The following PDE8A variants were observed in gnomAD, a reference collection of about 807,000 sequenced individuals.
PDE8A encodes high affinity cAMP-specific and IBMX-insensitive 3',5'-cyclic phosphodiesterase 8A.
Under a neutral mutation model 105.0 loss-of-function variants are expected in PDE8A, and 59 were observed. The ratio of observed to expected loss-of-function variants is 0.56; its 90% CI spans 0.46 to 0.70. The LOEUF (loss-of-function observed/expected upper bound fraction) is 0.70, where lower values mean the gene tolerates loss of function less well. Among genes scored for constraint, PDE8A ranks in the 30% least tolerant of loss-of-function variants. The pLI, the probability that PDE8A is intolerant of heterozygous loss-of-function variation, is 0.00. For synonymous variants in PDE8A, 355 were observed against 371.9 expected, an observed-to-expected ratio of 0.95 and a Z score of 0.52; for missense variants, 1,014 against 1,045.9, an observed-to-expected ratio of 0.97 and a Z score of 0.42.
In PDE8A at chr15:85,100,110, A is replaced by G. The variant is rs182361087; in HGVS notation, c.993+44A>G. Reference sequence around the variant, plus strand: ...CCGGGGCCCCAGGAACACCCCAGCAAGATTTTCAGCAATCAGAACTAATGG... The same window carrying G: ...CCGGGGCCCCAGGAACACCCCAGCAGGATTTTCAGCAATCAGAACTAATGG... On this transcript the variant is annotated intron_variant, in intron 10 of 21. Coordinates refer to ENST00000394553, the MANE Select transcript of PDE8A (RefSeq NM_002605.3). 2.8e-5 allele frequency: 45 copies of G among 1,613,008 alleles called. No individual in the cohort carries two copies. The East Asian group carries it at 9.4e-4, about 34-fold the overall frequency.
chr15:84,992,738 G>T (rs2079906095), intron 1 of PDE8A, among the ~76,000 whole-genome samples: 1 of 152,180 alleles, frequency 6.6e-6, no homozygotes, highest in Non-Finnish European at 1.5e-5. Flanking sequence ...TGAAAGGGCG[G>T]AGAGTGGAGG....
At position 84,982,171 on chromosome 15, in the gene PDE8A, T is replaced by C. The variant is rs1277796366; in HGVS notation, c.9T>C (p.Cys3=). 4 of 1,472,576 alleles carry C rather than the reference T, an allele frequency of 2.7e-6. No individual in the cohort carries two copies. The highest frequency in any genetic ancestry group is 1.5e-5 in the African/African-American group (1 of 67,936). 91.2% of individuals were successfully genotyped at this position (1,472,576 alleles called of 1,614,324 possible). Residue 3 remains cysteine (C), a synonymous_variant, in exon 1 of 22, where the codon TGT becomes TGC. Transcript: ENST00000394553. The part of the protein sequence containing the change: MG[C]APSIHISERL... ...GCGGCGCCGCCGCCAGCATGGGCTG[T>C]GCCCCGAGCATCCACATTTCCGAGC...
chr15:84,997,724 CTGGGATTACAGGTGCA>C lies in PDE8A; in HGVS notation c.186+15379_186+15394del, dbSNP rs753830464. On this transcript the variant is annotated intron_variant, in intron 1 of 21. Transcript: ENST00000394553. ...TCTCCTGCCTCAGCCTTCCGAGTAA[CTGGGATTACAGGTGCA>C]TGCCACCATGCCAGGCTAATTTTTT... Among the ~76,000 whole-genome samples, 7 of 152,084 alleles carry C rather than the reference CTGGGATTACAGGTGCA, an allele frequency of 4.6e-5. No individual in the cohort carries two copies. The East Asian group carries it at 9.6e-4, about 21-fold the overall frequency.
chr15:85,046,089 A>T (rs1399635407), intron 1 of PDE8A, among the ~76,000 whole-genome samples: 1 of 140,660 alleles, frequency 7.1e-6, no homozygotes, highest in African/African-American at 2.6e-5. Flanking sequence ...TTTTTTTAAG[A>T]CAGAGTCTCG....
chr15:85,113,423 G>C lies in PDE8A; in HGVS notation c.1161G>C (p.Met387Ile), dbSNP rs1194166702. 1 of 1,613,968 alleles carries C rather than the reference G, an allele frequency of 6.2e-7. No individual in the cohort carries two copies. Among genetic ancestry groups the C allele is most frequent in the African/African-American group, 1.3e-5 (1 of 74,896 alleles). Residue 387 changes from methionine to isoleucine, a missense_variant, in exon 13 of 22, where the codon ATG (methionine) becomes ATC (isoleucine). Met to Ile is a conservative substitution (Grantham distance 10). Coordinates refer to ENST00000394553, the MANE Select transcript of PDE8A (RefSeq NM_002605.3). Reference sequence around the variant, plus strand: ...CTTCCATGGCCCGGATACATTCCATGACAATTGAGGCGCCCATCACCAAGG... The same window carrying C: ...CTTCCATGGCCCGGATACATTCCATCACAATTGAGGCGCCCATCACCAAGG... Reference protein sequence around the residue: ...RHSSMARIHSMTIEAPITKVI... With the variant: ...RHSSMARIHSITIEAPITKVI...
Position 85,136,618 on chromosome 15 carries a change from T to C in PDE8A, c.2338T>C (p.Ser780Pro). The change falls in exon 21 of 22, where the codon TCT becomes CCT. Residue 780 changes from serine to proline, a missense_variant. Physicochemically the swap from Ser to Pro is moderately conservative, Grantham distance 74. Transcript: ENST00000394553. ...NTCSIPKSQI[S>P]FIDYFITDMF... is the part of the protein sequence containing the mutation. ...CTGCAGCATCCCCAAATCCCAAATC[T>C]CTTTCATTGATTACTTCATCACAGA... 1 of 1,613,886 alleles carries C rather than the reference T, an allele frequency of 6.2e-7. No individual in the cohort carries two copies. Among genetic ancestry groups the C allele is most frequent in the Non-Finnish European group, 8.5e-7 (1 of 1,179,838 alleles).
At chr15:85,080,817 C>T (rs2081452992) in intron 5 of PDE8A, among the ~76,000 whole-genome samples, 1 of 152,154 alleles carries the variant, frequency 6.6e-6, no homozygotes, top group Admixed American at 6.5e-5. Flanking sequence ...ATCAAGGAAC[C>T]CCCTGAAGAC....
chr15:85,040,386 A>AG lies in PDE8A; in HGVS notation c.187-23984_187-23983insG, dbSNP rs1208527425. ...CCTCTTCTCTAAAAAAAAAAAAAAA[A>AG]AAAAGAAAAGAAAAGAAAAAACATT... On this transcript the variant is annotated intron_variant, in intron 1 of 21. Coordinates refer to ENST00000394553, the MANE Select transcript of PDE8A (RefSeq NM_002605.3). Among the ~76,000 whole-genome samples, 37 of 150,428 alleles carry AG rather than the reference A, an allele frequency of 2.5e-4. No homozygotes were observed. The East Asian group carries it at 2.9e-3, about 12-fold the overall frequency.
intron 12 of PDE8A, among the ~76,000 whole-genome samples, chr15:85,112,028 A>G (rs1195887425): frequency 6.6e-6 from 1 of 151,430 alleles, no homozygotes; most frequent in Non-Finnish European, 1.5e-5. Flanking sequence ...GACTTTGTAT[A>G]TCTAGGAGCT....
chr15:85,115,825 C>G (rs890194098), intron 15 of PDE8A, 159 bp from the exon 16 acceptor site: 1 of 635,706 alleles, frequency 1.6e-6, no homozygotes, highest in African/African-American at 1.9e-5. Flanking sequence ...GAGGCTGAGG[C>G]AGGAGAATCA....
chr15:85,021,630 G>A (rs1240904241), intron 1 of PDE8A, among the ~76,000 whole-genome samples: 4 of 151,066 alleles, frequency 2.6e-5, no homozygotes, highest in Non-Finnish European at 5.9e-5. Flanking sequence ...AACAGCAGAA[G>A]AAAAAAAAAT....
intron 14 of PDE8A, 82 bp from the exon 15 acceptor site, chr15:85,115,357 C>T (rs1259898644): frequency 2.3e-6 from 2 of 874,576 alleles, no homozygotes; most frequent in African/African-American, 1.8e-5. Flanking sequence ...CTGAGTTGTC[C>T]TGTGGGAGGA....
intron 1 of PDE8A, among the ~76,000 whole-genome samples, chr15:85,055,901 C>T (rs2081051698): frequency 6.6e-6 from 1 of 152,244 alleles, no homozygotes; most frequent in Non-Finnish European, 1.5e-5. Context: ...TTCTTCCTAG[C>T]CTTGATGGTC....
chr15:84,996,249 C>T (rs2079974101), intron 1 of PDE8A, among the ~76,000 whole-genome samples: 1 of 152,018 alleles, frequency 6.6e-6, no homozygotes, highest in African/African-American at 2.4e-5. Context: ...CAGTGGCAGC[C>T]TCACTGCAGC....
At chr15:85,014,124 C>CTTTATT (rs939834394) in intron 1 of PDE8A, among the ~76,000 whole-genome samples, 1 of 151,596 alleles carries the variant, frequency 6.6e-6, no homozygotes, top group Non-Finnish European at 1.5e-5. Context: ...TTCTTTCTTC[C>CTTTATT]TTTCTTTTTC....
chr15:84,994,490 A>T (rs2079942617), intron 1 of PDE8A, among the ~76,000 whole-genome samples: 1 of 152,130 alleles, frequency 6.6e-6, no homozygotes, highest in African/African-American at 2.4e-5. Context: ...GTTTTTTAGT[A>T]TTTTTAACAT....
intron 1 of PDE8A, among the ~76,000 whole-genome samples, chr15:85,007,111 G>T (rs2080160554): frequency 6.6e-6 from 1 of 152,170 alleles, no homozygotes. Context: ...AGAATGTCCA[G>T]TAGCTACTGA....
chr15:85,003,782 T>C (rs752379478), intron 1 of PDE8A, among the ~76,000 whole-genome samples: 3 of 152,168 alleles, frequency 2.0e-5, no homozygotes, highest in Non-Finnish European at 4.4e-5. Flanking sequence ...TAAGAGATAT[T>C]TAATTACCCT....
At chr15:85,046,890 A>C (rs1184426914) in intron 1 of PDE8A, among the ~76,000 whole-genome samples, 1 of 152,242 alleles carries the variant, frequency 6.6e-6, no homozygotes, top group Non-Finnish European at 1.5e-5. Context: ...TGTTTCATAT[A>C]TCTGTAAACC....
Sources: allele counts gnomAD v4.1 joint callset (sites outside exome capture counted in the v4.1 genomes callset), GRCh38; gene constraint gnomAD v4.1.1; transcripts MANE v1.5; gene names NCBI Gene and HGNC (gene_info 2026-07-23, HGNC 2026-07-21).